The following PPP1R12A variants were observed in gnomAD, a reference collection of about 807,000 sequenced individuals.
PPP1R12A encodes the protein myosin binding subunit.
A neutral mutation model predicts 139.6 loss-of-function variants in PPP1R12A; 19 were observed. That is an observed-to-expected ratio of 0.14 (90% CI 0.09 to 0.20). The LOEUF is 0.20. PPP1R12A is among the 10% of genes least tolerant of loss of function. The pLI, the probability that PPP1R12A is intolerant of heterozygous loss-of-function variation, is 1.00. For synonymous variants in PPP1R12A, 427 were observed against 420.6 expected, an observed-to-expected ratio of 1.02 and a Z score of -0.19; for missense variants, 925 against 1,211.5, an observed-to-expected ratio of 0.76 and a Z score of 3.51.
Position 79,775,728 on chromosome 12 carries a change from AAC to A in PPP1R12A, c.*199_*200del, listed in dbSNP as rs1869641994. ...ACAATGGTCTTGATTAAAAAAAAAA[AAC>A]AAAAAACAAACCAACAACAACAAAA... is the stretch of plus-strand genomic sequence containing the variant. On this transcript the variant is annotated 3_prime_UTR_variant, in exon 25 of 25. Transcript: ENST00000450142. The A allele has an allele frequency of 1.5e-5, 6 of 391,194 alleles. No individual in the cohort carries two copies. The highest frequency in any genetic ancestry group is 4.2e-5 in the African/African-American group (2 of 47,910). The allele number at this position is 391,194 out of a possible 1,614,324, so 24.2% of individuals were successfully genotyped here.
At chr12:79,894,783 T>C (rs1441744722) in intron 1 of PPP1R12A, among the ~76,000 whole-genome samples, 1 of 152,208 alleles carries the variant, frequency 6.6e-6, no homozygotes, top group African/African-American at 2.4e-5. Flanking sequence ...CACTCTGCTG[T>C]TACACAACAA....
intron 14 of PPP1R12A, among the ~76,000 whole-genome samples, chr12:79,804,289 A>T (rs1266956869): frequency 6.6e-6 from 1 of 152,088 alleles, no homozygotes; most frequent in African/African-American, 2.4e-5. Context: ...CACTACAACA[A>T]CCTAAAACTG....
intron 2 of PPP1R12A, among the ~76,000 whole-genome samples, chr12:79,868,380 T>A (rs1261750570): frequency 6.6e-6 from 1 of 152,118 alleles, no homozygotes; most frequent in Non-Finnish European, 1.5e-5. Flanking sequence ...TAAGGAAGAG[T>A]ATGCCTTGAT....
intron 14 of PPP1R12A, among the ~76,000 whole-genome samples, chr12:79,801,913 C>T (rs12312481): frequency 0.031 from 4,783 of 152,190 alleles, 247 homozygotes; most frequent in African/African-American, 0.11. Flanking sequence ...ATCCAACATA[C>T]TTATATTAAG....
In PPP1R12A at chr12:79,807,133, G is replaced by A. The variant is rs150626923; in HGVS notation, c.1655+93C>T. ...TCGTATTTAATAAAAACACATATTT[G>A]TTTAAAATGATGTTAAACTGAGGGC... is the stretch of plus-strand genomic sequence containing the variant. On this transcript the variant is annotated intron_variant, in intron 12 of 24. Transcript: ENST00000450142. The A allele has an allele frequency of 1.6e-3, 1,061 of 663,136 alleles. 6 individuals carry two copies. The African/African-American group carries it at 0.018, about 11-fold the overall frequency. The allele number at this position is 663,136 out of a possible 1,614,324, so 41.1% of individuals were successfully genotyped here. A position where few individuals can be genotyped will look rare whatever the true frequency, so the allele number is the denominator to read the frequency against.
chr12:79,807,488 A>G (rs1873972602), intron 11 of PPP1R12A, among the ~76,000 whole-genome samples, 158 bp from the exon 12 acceptor site: 2 of 49,278 alleles, frequency 4.1e-5, no homozygotes, highest in South Asian at 5.6e-4. Context: ...TTCAGTACTA[A>G]GATTATATAC....
rs575534049 is a variant in PPP1R12A at position 79,890,704 on chromosome 12, A to G, written c.238-17766T>C. 4.2e-3 allele frequency among the ~76,000 whole-genome samples: 644 copies of G among 152,278 alleles called. 5 individuals carry two copies. The highest frequency in any genetic ancestry group is 6.4e-3 in the Non-Finnish European group (432 of 68,024). On this transcript the variant is annotated intron_variant, in intron 1 of 24. Transcript: ENST00000450142. ...AATTGAACAACTTACTTTTTAACAT[A>G]AAGCATGGAGGCCTAGCTCAAAACC...
At chr12:79,808,956 A>G (rs1874190104) in intron 10 of PPP1R12A, among the ~76,000 whole-genome samples, 1 of 152,194 alleles carries the variant, frequency 6.6e-6, no homozygotes, top group Non-Finnish European at 1.5e-5. Context: ...CATTTATATT[A>G]TATAAGCTAT....
At chr12:79,910,819 AAAGT>A (rs1360152614) in intron 1 of PPP1R12A, among the ~76,000 whole-genome samples, 2 of 152,234 alleles carry the variant, frequency 1.3e-5, no homozygotes, top group African/African-American at 4.8e-5. Flanking sequence ...AGTGGCTAAA[AAAGT>A]TAGTATTACT....
At chr12:79,776,819 A>C (rs940763693) in intron 24 of PPP1R12A, among the ~76,000 whole-genome samples, 1 of 152,132 alleles carries the variant, frequency 6.6e-6, no homozygotes, top group Non-Finnish European at 1.5e-5. Flanking sequence ...TTTCACTAGG[A>C]AATGAAATAG....
chr12:79,809,768 T>C (rs374268387), intron 10 of PPP1R12A, 27 bp downstream of exon 10: 32 of 1,549,234 alleles, frequency 2.1e-5, no homozygotes, highest in Admixed American at 9.0e-5. Flanking sequence ...ACAGTTTTCA[T>C]AGAAACCAGA....
At chr12:79,918,344 C>A (rs1304855699) in intron 1 of PPP1R12A, among the ~76,000 whole-genome samples, 1 of 152,146 alleles carries the variant, frequency 6.6e-6, no homozygotes, top group Admixed American at 6.5e-5. Context: ...GCCACCCCTC[C>A]TCCATGTGTG....
intron 3 of PPP1R12A, 52 bp downstream of exon 3, chr12:79,845,250 G>A: frequency 7.5e-7 from 1 of 1,335,210 alleles, no homozygotes. Flanking sequence ...TGCTGGAAAA[G>A]TATCACATTC....
intron 1 of PPP1R12A, among the ~76,000 whole-genome samples, chr12:79,914,859 T>A (rs1375908): frequency 0.91 from 136,842 of 150,558 alleles, 62,438 homozygotes; most frequent in Middle Eastern, 0.94. Context: ...GGTTTTCTAT[T>A]AAAAAAAAAA....
intron 1 of PPP1R12A, among the ~76,000 whole-genome samples, chr12:79,927,293 C>A (rs1229156035): frequency 6.6e-6 from 1 of 152,128 alleles, no homozygotes; most frequent in Non-Finnish European, 1.5e-5. Context: ...AAATTAAATT[C>A]TATGTCCTGA....
At chr12:79,866,348 G>T (rs1881959946) in intron 2 of PPP1R12A, among the ~76,000 whole-genome samples, 1 of 152,082 alleles carries the variant, frequency 6.6e-6, no homozygotes, top group African/African-American at 2.4e-5. Context: ...TTAAACGTAA[G>T]ACCTAAAAAC....
intron 1 of PPP1R12A, among the ~76,000 whole-genome samples, chr12:79,931,554 C>G (rs1362487715): frequency 6.6e-6 from 1 of 152,126 alleles, no homozygotes; most frequent in Non-Finnish European, 1.5e-5. Flanking sequence ...CAGTAAGAAT[C>G]AGCAATAAGG....
chr12:79,922,763 G>A (rs1470606212), intron 1 of PPP1R12A, among the ~76,000 whole-genome samples: 4 of 151,876 alleles, frequency 2.6e-5, no homozygotes, highest in Non-Finnish European at 4.4e-5. Context: ...GATATGAGTC[G>A]GTAAGTGCAG....
At chr12:79,867,668 G>A (rs1364461231) in intron 2 of PPP1R12A, among the ~76,000 whole-genome samples, 1 of 152,124 alleles carries the variant, frequency 6.6e-6, no homozygotes, top group Admixed American at 6.5e-5. Flanking sequence ...TGGTTTGGCT[G>A]TGTCCTTACC....
Sources: allele counts gnomAD v4.1 joint callset (sites outside exome capture counted in the v4.1 genomes callset), GRCh38; gene constraint gnomAD v4.1.1; transcripts MANE v1.5; gene names NCBI Gene and HGNC (gene_info 2026-07-23, HGNC 2026-07-21).